BMI1: variants seen among roughly 807,000 people sequenced by gnomAD.
The protein encoded by BMI1 is BMI1 proto-oncogene, polycomb ring finger.
BMI1 carries 9 observed loss-of-function variants against 39.1 expected under a neutral mutation model. The observed-to-expected ratio is 0.23, with a 90% confidence interval of 0.14 to 0.40. The LOEUF is 0.40. Among genes scored for constraint, BMI1 ranks in the 10% least tolerant of loss-of-function variants. The probability of loss-of-function intolerance (pLI) is 1.00; values close to 1 mark genes in which losing one functional copy is unlikely to be tolerated. For missense variants in BMI1, 252 were observed against 390.8 expected, an observed-to-expected ratio of 0.64 and a Z score of 2.99; for synonymous variants, 131 against 127.9, an observed-to-expected ratio of 1.02 and a Z score of -0.16.
chr10:22,321,354 T>TCC lies in BMI1; in HGVS notation c.-358_-357dup, dbSNP rs996387533. ...GATCGCGCCCCCTCCGCGCGCGCCC[T>TCC]CCCCCGAGTGCGGAGCGGGAGGAGG... On this transcript the variant is annotated 5_prime_UTR_variant, in exon 1 of 10. Coordinates refer to ENST00000376663, the MANE Select transcript of BMI1 (RefSeq NM_005180.9). The TCC allele has an allele frequency of 1.3e-5, 2 of 153,266 alleles. No individual in the cohort carries two copies. Among genetic ancestry groups the TCC allele is most frequent in the Non-Finnish European group, 2.9e-5 (2 of 69,806 alleles). 9.5% of individuals were successfully genotyped at this position (153,266 alleles called of 1,614,324 possible).
Position 22,326,460 on chromosome 10 carries a change from C to G in BMI1, c.11C>G (p.Thr4Arg). 2 of 1,613,626 alleles carry G rather than the reference C, an allele frequency of 1.2e-6. No homozygotes were observed. The highest frequency in any genetic ancestry group is 1.7e-6 in the Non-Finnish European group (2 of 1,180,008). ...TTTTATCAAGCAGAAATGCATCGAACAACGAGAATCAAGATCACTGAGCTA... is the reference window on the plus strand; with the variant it reads ...TTTTATCAAGCAGAAATGCATCGAAGAACGAGAATCAAGATCACTGAGCTA... Reference protein sequence around the residue: MHRTTRIKITELNP... With the variant: MHRRTRIKITELNP... The change falls in exon 2 of 10, where the codon ACA becomes AGA. Residue 4 changes from threonine (T) to arginine (R), a missense_variant. By Grantham distance (71) the Thr-to-Arg change is moderately conservative (BLOSUM62 -1). Coordinates refer to ENST00000376663, the MANE Select transcript of BMI1 (RefSeq NM_005180.9).
intron 1 of BMI1, among the ~76,000 whole-genome samples, chr10:22,323,396 G>T (rs1321193863): frequency 1.3e-5 from 2 of 152,138 alleles, no homozygotes; most frequent in African/African-American, 4.8e-5. Context: ...AAGTCACTTT[G>T]TATGCATGTA....
chr10:22,326,547 A>G lies in BMI1; in HGVS notation c.98A>G (p.Glu33Gly). 6.2e-7 allele frequency: 1 copy of G among 1,612,552 alleles called. No homozygotes were observed. Among genetic ancestry groups the G allele is most frequent in the Non-Finnish European group, 8.5e-7 (1 of 1,179,404 alleles). Residue 33 changes from glutamate to glycine, a missense_variant, in exon 2 of 10, where the codon GAA becomes GGA. Physicochemically the swap from Glu to Gly is moderately conservative, Grantham distance 98 (BLOSUM62 -2). Coordinates refer to ENST00000376663, the MANE Select transcript of BMI1 (RefSeq NM_005180.9). ...TTCATTGATGCCACAACCATAATAG[A>G]ATGTCTACATTCCTGTAAGTACCGA... Reference protein sequence around the residue: ...GYFIDATTIIECLHSFCKTCI... With the variant: ...GYFIDATTIIGCLHSFCKTCI...
chr10:22,321,916 C>G (rs1190907110), intron 1 of BMI1, among the ~76,000 whole-genome samples: 1 of 144,794 alleles, frequency 6.9e-6, no homozygotes, highest in African/African-American at 2.5e-5. Flanking sequence ...AGCGCGCGCC[C>G]GCCGCCGCCC....
intron 1 of BMI1, among the ~76,000 whole-genome samples, chr10:22,324,060 G>T (rs1157395180): frequency 1.3e-5 from 2 of 152,162 alleles, no homozygotes; most frequent in African/African-American, 4.8e-5. Context: ...AAAGACTTTT[G>T]GTCAAGTACA....
At chr10:22,323,129 A>G (rs1304117454) in intron 1 of BMI1, among the ~76,000 whole-genome samples, 4 of 152,262 alleles carry the variant, frequency 2.6e-5, no homozygotes, top group African/African-American at 9.6e-5. Context: ...GAAACACATT[A>G]TAAGCTACAC....
Position 22,326,910 on chromosome 10 carries a change from C to T in BMI1, c.133C>T (p.Arg45Cys). The T allele has an allele frequency of 1.9e-6, 3 of 1,613,970 alleles. No individual in the cohort carries two copies. Among genetic ancestry groups the T allele is most frequent in the Non-Finnish European group, 2.5e-6 (3 of 1,179,936 alleles). The change falls in exon 3 of 10, where the codon CGT becomes TGT. Residue 45 changes from arginine (R) to cysteine (C), a missense_variant. This residue lies in a region of BMI1 where 62 missense variants were observed against 123.3 expected (regional missense o/e 0.50). Coordinates refer to ENST00000376663, the MANE Select transcript of BMI1 (RefSeq NM_005180.9). ...TCTAGTCTGTAAAACGTGTATTGTTCGTTACCTGGAGACCAGCAAGTATTG... is the reference window on the plus strand; with the variant it reads ...TCTAGTCTGTAAAACGTGTATTGTTTGTTACCTGGAGACCAGCAAGTATTG... ...LHSFCKTCIVRYLETSKYCPI... is the reference protein window; with the variant it reads ...LHSFCKTCIVCYLETSKYCPI...
chr10:22,323,815 G>T (rs1564349155), intron 1 of BMI1, among the ~76,000 whole-genome samples: 1 of 152,216 alleles, frequency 6.6e-6, no homozygotes, highest in Non-Finnish European at 1.5e-5. Flanking sequence ...TTGGAACCTG[G>T]AAGGTTTTCA....
At chr10:22,327,927 T>TA in intron 5 of BMI1, 23 bp from the exon 6 acceptor site, 1 of 1,583,916 alleles carries the variant, frequency 6.3e-7, no homozygotes, top group East Asian at 2.2e-5. Context: ...TTTTAAAAAT[T>TA]ACATTTCACT....
In BMI1 at chr10:22,326,518, G is replaced by A. The variant is rs755902545; in HGVS notation, c.69G>A (p.Gly23=). 3 of 1,614,052 alleles carry A rather than the reference G, an allele frequency of 1.9e-6. No individual in the cohort carries two copies. Among genetic ancestry groups the A allele is most frequent in the Non-Finnish European group, 2.5e-6 (3 of 1,179,998 alleles). The change falls in exon 2 of 10, where the codon GGG becomes GGA. Residue 23 remains glycine (G), a synonymous_variant. Transcript: ENST00000376663. ...NPHLMCVLCG[G]YFIDATTIIE... The stretch of plus-strand genomic sequence containing the variant: ...ACCTGATGTGTGTGCTTTGTGGAGG[G>A]TACTTCATTGATGCCACAACCATAA...
rs970233235 is a variant in BMI1, at chr10:22,331,074, C to T, written c.*1532C>T. 2 of 152,488 alleles carry T rather than the reference C, an allele frequency of 1.3e-5. No homozygotes were observed. Among genetic ancestry groups the T allele is most frequent in the Admixed American group, 6.5e-5 (1 of 15,272 alleles). The allele number at this position is 152,488 out of a possible 1,614,324, so 9.4% of individuals were successfully genotyped here. A position where few individuals can be genotyped will look rare whatever the true frequency, so the allele number is the denominator to read the frequency against. On this transcript the variant is annotated 3_prime_UTR_variant, in exon 10 of 10. Coordinates refer to ENST00000376663, the MANE Select transcript of BMI1 (RefSeq NM_005180.9). ...TAAATCATTACTTTTACATATATTG[C>T]TGTTACTTCTGCTTTCTTTAAAAAT...
At position 22,321,452 on chromosome 10, in the gene BMI1, AGGAGGAGGCCGAGGCGCC is replaced by A. The variant is rs1020601917; in HGVS notation, c.-241_-224del. On this transcript the variant is annotated 5_prime_UTR_variant, in exon 1 of 10. Transcript: ENST00000376663. ...TTGGAGGTCGAGGCGGAGGCGGAGG[AGGAGGAGGCCGAGGCGCC>A]GGAGGAGGCCGAGGCGCCGGAGCAG... is the stretch of plus-strand genomic sequence containing the variant. 1.7e-4 allele frequency: 27 copies of A among 159,694 alleles called. No homozygotes were observed. The highest frequency in any genetic ancestry group is 3.8e-4 in the East Asian group (2 of 5,244). 9.9% of individuals were successfully genotyped at this position (159,694 alleles called of 1,614,324 possible).
In BMI1 at chr10:22,330,525, G is replaced by A. The variant is rs1416002016; in HGVS notation, c.*983G>A. 6.6e-6 allele frequency: 1 copy of A among 152,150 alleles called. No individual in the cohort carries two copies. The highest frequency in any genetic ancestry group is 1.5e-5 in the Non-Finnish European group (1 of 67,992). 9.4% of individuals were successfully genotyped at this position (152,150 alleles called of 1,614,324 possible). On this transcript the variant is annotated 3_prime_UTR_variant, in exon 10 of 10. Coordinates refer to ENST00000376663, the MANE Select transcript of BMI1 (RefSeq NM_005180.9). ...TTACTTTAAAGATTGTTGCAGTGAA[G>A]AAAAACCTTTAACTGAGAAATATGG...
Position 22,327,511 on chromosome 10 carries a change from C to T in BMI1, c.210-84C>T. 3 of 1,330,604 alleles carry T rather than the reference C, an allele frequency of 2.3e-6. No homozygotes were observed. The South Asian group carries it at 4.3e-5, about 19-fold the overall frequency. The allele number at this position is 1,330,604 out of a possible 1,614,324, so 82.4% of individuals were successfully genotyped here. On this transcript the variant is annotated intron_variant, in intron 3 of 9. Transcript: ENST00000376663. ...ATCACAATCAAGTAAAATATTATAG[C>T]ACAAAAGAAGACTATAGAAACTTAT... is the stretch of plus-strand genomic sequence containing the variant.
chr10:22,325,462 C>G (rs1318506193), intron 1 of BMI1, among the ~76,000 whole-genome samples: 1 of 152,042 alleles, frequency 6.6e-6, no homozygotes, highest in Non-Finnish European at 1.5e-5. Context: ...CGGGCGCTGC[C>G]GCAGGCTCCG....
In BMI1 at chr10:22,329,623, T is replaced by C; in HGVS notation, c.*81T>C. The C allele has an allele frequency of 6.8e-7, 1 of 1,471,174 alleles. No individual in the cohort carries two copies. The highest frequency in any genetic ancestry group is 9.1e-7 in the Non-Finnish European group (1 of 1,097,506). The allele number at this position is 1,471,174 out of a possible 1,614,324, so 91.1% of individuals were successfully genotyped here. ...CATGCCATTACAGCTTTCTAGATGCTAATACATGTGACTATCGTCCAATTT... is the reference window on the plus strand; with the variant it reads ...CATGCCATTACAGCTTTCTAGATGCCAATACATGTGACTATCGTCCAATTT... On this transcript the variant is annotated 3_prime_UTR_variant, in exon 10 of 10. Coordinates refer to ENST00000376663, the MANE Select transcript of BMI1 (RefSeq NM_005180.9).
Position 22,326,976 on chromosome 10 carries a change from C to T in BMI1, c.199C>T (p.Leu67=). 6.2e-7 allele frequency: 1 copy of T among 1,613,844 alleles called. No homozygotes were observed. The highest frequency in any genetic ancestry group is 8.5e-7 in the Non-Finnish European group (1 of 1,179,848). ...CCAAGTTCACAAGACCAGACCACTA[C>T]TGAATATAAGGTAGGAAACTGTTGA... The part of the protein sequence containing the change: ...DVQVHKTRPL[L]NIRSDKTLQD... The change falls in exon 3 of 10, where the codon CTG becomes TTG. Residue 67 remains leucine, a synonymous_variant. Coordinates refer to ENST00000376663, the MANE Select transcript of BMI1 (RefSeq NM_005180.9).
chr10:22,324,891 T>C (rs1178700179), intron 1 of BMI1, among the ~76,000 whole-genome samples: 1 of 152,262 alleles, frequency 6.6e-6, no homozygotes, highest in Non-Finnish European at 1.5e-5. Flanking sequence ...TTCCCCATTG[T>C]GACTTTCCTG....
chr10:22,328,753 C>A, intron 8 of BMI1, 55 bp downstream of exon 8: 1 of 1,498,314 alleles, frequency 6.7e-7, no homozygotes, highest in Non-Finnish European at 8.9e-7. Flanking sequence ...ATTTTAATTA[C>A]ATTTTTCACT....
Sources: allele counts gnomAD v4.1 joint callset (sites outside exome capture counted in the v4.1 genomes callset), GRCh38; gene constraint gnomAD v4.1.1; regional missense constraint gnomAD v4.1.1; transcripts MANE v1.5; gene names NCBI Gene and HGNC (gene_info 2026-07-23, HGNC 2026-07-21).